The following TMEM65 variants were observed in gnomAD, a reference collection of about 807,000 sequenced individuals.
TMEM65 encodes the protein transmembrane protein 65.
Under a neutral mutation model 25.4 loss-of-function variants are expected in TMEM65, and 22 were observed. That is an observed-to-expected ratio of 0.86 (90% CI 0.62 to 1.23). The LOEUF (loss-of-function observed/expected upper bound fraction) is 1.23, where lower values mean the gene tolerates loss of function less well. Among genes scored for constraint, TMEM65 ranks in the 50% most tolerant of loss-of-function variants. The pLI is 0.00. For missense variants in TMEM65, 262 were observed against 308.2 expected, an observed-to-expected ratio of 0.85 and a Z score of 1.12; for synonymous variants, 132 against 126.2, an observed-to-expected ratio of 1.05 and a Z score of -0.31.
intron 1 of TMEM65, among the ~76,000 whole-genome samples, chr8:124,357,788 C>T (rs1229054045): frequency 1.7e-5 from 2 of 120,584 alleles, no homozygotes; most frequent in African/African-American, 6.7e-5. Context: ...AGGTTGGAGT[C>T]AGACAAACCT....
chr8:124,371,826 G>A (rs1815019267), intron 1 of TMEM65, 28 bp downstream of exon 1: 3 of 1,496,850 alleles, frequency 2.0e-6, no homozygotes, highest in Admixed American at 2.1e-5. Context: ...CGGGGCCCCC[G>A]GGCTCGCCCC....
chr8:124,360,960 TTATA>T (rs1485355396), intron 1 of TMEM65, among the ~76,000 whole-genome samples: 6 of 152,230 alleles, frequency 3.9e-5, no homozygotes, highest in Admixed American at 2.6e-4. Context: ...GAATTGTCAG[TTATA>T]TATAATTCAT....
At chr8:124,352,501 A>ATAAAATAAAT (rs1814724380) in intron 1 of TMEM65, among the ~76,000 whole-genome samples, 1 of 145,778 alleles carries the variant, frequency 6.9e-6, no homozygotes, top group Non-Finnish European at 1.5e-5. Flanking sequence ...ATAAAATAAA[A>ATAAAATAAAT]TAAAATAAAA....
intron 3 of TMEM65, among the ~76,000 whole-genome samples, chr8:124,325,057 G>C (rs1342017087): frequency 6.6e-6 from 1 of 151,868 alleles, no homozygotes; most frequent in Admixed American, 6.6e-5. Context: ...GGCTTAATAT[G>C]AACACCAACC....
At chr8:124,357,976 C>T (rs1443423519) in intron 1 of TMEM65, among the ~76,000 whole-genome samples, 1 of 151,700 alleles carries the variant, frequency 6.6e-6, no homozygotes, top group Non-Finnish European at 1.5e-5. Context: ...ATTACAGGCA[C>T]CTGCCACCAC....
chr8:124,370,741 C>T (rs1815001511), intron 1 of TMEM65, among the ~76,000 whole-genome samples: 1 of 152,224 alleles, frequency 6.6e-6, no homozygotes, highest in African/African-American at 2.4e-5. Context: ...CATTCCTGCA[C>T]ATCAGCTAAA....
chr8:124,348,280 G>GTT (rs11339442), intron 1 of TMEM65, among the ~76,000 whole-genome samples: 1 of 149,840 alleles, frequency 6.7e-6, no homozygotes, highest in Non-Finnish European at 1.5e-5. Flanking sequence ...TTTCATGGTA[G>GTT]TTTTTTTTTT....
chr8:124,362,096 T>C (rs889472411), intron 1 of TMEM65, among the ~76,000 whole-genome samples: 8 of 151,854 alleles, frequency 5.3e-5, no homozygotes, highest in African/African-American at 1.9e-4. Flanking sequence ...TTCACCATGT[T>C]GACCAGGCTG....
intron 1 of TMEM65, 135 bp downstream of exon 1, chr8:124,371,718 GC>G (rs1815016114): frequency 2.3e-6 from 2 of 871,822 alleles, no homozygotes; most frequent in African/African-American, 3.6e-5. Flanking sequence ...CAGGCGTGGG[GC>G]CAGACAGGCG....
At chr8:124,343,103 TAAAC>T (rs1302759823) in intron 1 of TMEM65, among the ~76,000 whole-genome samples, 2 of 152,238 alleles carry the variant, frequency 1.3e-5, no homozygotes, top group East Asian at 3.9e-4. Context: ...ACAATGGCAT[TAAAC>T]AAAGCTCACT....
chr8:124,371,743 G>A lies in TMEM65; in HGVS notation c.304+111C>T, dbSNP rs1051244590. The A allele has an allele frequency of 9.1e-6, 10 of 1,095,740 alleles. 1 individual carries two copies. In the Admixed American group the frequency reaches 1.4e-4, roughly 16 times the overall value. The allele number at this position is 1,095,740 out of a possible 1,614,324, so 67.9% of individuals were successfully genotyped here. A position where few individuals can be genotyped will look rare whatever the true frequency, so the allele number is the denominator to read the frequency against. ...GCCAGACAGGCGAGGGGGGCGGAAGGGGGGCGGCGGCGGGGGTCCAAGATC... is the reference window on the plus strand; with the variant it reads ...GCCAGACAGGCGAGGGGGGCGGAAGAGGGGCGGCGGCGGGGGTCCAAGATC... On this transcript the variant is annotated intron_variant, in intron 1 of 6. Transcript: ENST00000297632.
chr8:124,313,919 G>A lies in TMEM65; in HGVS notation c.*41C>T, dbSNP rs754224059. On this transcript the variant is annotated 3_prime_UTR_variant, in exon 7 of 7. Transcript: ENST00000297632. ...TTGTGACAGCATATTTAATTACTGA[G>A]GTACATTAGTTTACATCTTTTTATA... 5 of 1,320,426 alleles carry A rather than the reference G, an allele frequency of 3.8e-6. No homozygotes were observed. The highest frequency in any genetic ancestry group is 5.4e-6 in the Non-Finnish European group (5 of 922,686). The allele number at this position is 1,320,426 out of a possible 1,614,324, so 81.8% of individuals were successfully genotyped here.
At chr8:124,343,632 C>T (rs974043761) in intron 1 of TMEM65, among the ~76,000 whole-genome samples, 1 of 152,086 alleles carries the variant, frequency 6.6e-6, no homozygotes, top group Non-Finnish European at 1.5e-5. Flanking sequence ...TCAGAGACCT[C>T]AAGGTAAGGC....
intron 1 of TMEM65, among the ~76,000 whole-genome samples, chr8:124,337,546 T>C (rs147727838): frequency 6.6e-6 from 1 of 152,162 alleles, no homozygotes; most frequent in African/African-American, 2.4e-5. Flanking sequence ...ATACATAGGA[T>C]AGAAAAATTA....
At position 124,309,381 on chromosome 8, in the gene TMEM65, T is replaced by C. The variant is rs1387698710; in HGVS notation, c.*4579A>G. On this transcript the variant is annotated 3_prime_UTR_variant, in exon 7 of 7. Coordinates refer to ENST00000297632, the MANE Select transcript of TMEM65 (RefSeq NM_194291.3). ...CTACAGACTTTTTTGAATTCTAGGG[T>C]TGCTTCCCCACACTTCTGTGCCATT... The C allele has an allele frequency of 6.6e-6, 1 of 152,190 alleles. No individual in the cohort carries two copies. Among genetic ancestry groups the C allele is most frequent in the African/African-American group, 2.4e-5 (1 of 41,454 alleles). 9.4% of individuals were successfully genotyped at this position (152,190 alleles called of 1,614,324 possible).
At position 124,314,527 on chromosome 8, in the gene TMEM65, C is replaced by T. The variant is rs144671111; in HGVS notation, c.622-466G>A. On this transcript the variant is annotated intron_variant, in intron 6 of 6. Transcript: ENST00000297632. ...TTCATGAAGCATTCATCCTTGACAA[C>T]GCTGCACATACTTACATAGCAATTT... Among the ~76,000 whole-genome samples the T allele has an allele frequency of 1.1e-3, 164 of 152,336 alleles. No homozygotes were observed. In the East Asian group the frequency reaches 0.027, roughly 25 times the overall value.
intron 1 of TMEM65, among the ~76,000 whole-genome samples, chr8:124,331,739 G>A (rs1327607262): frequency 6.6e-6 from 1 of 151,844 alleles, no homozygotes; most frequent in Admixed American, 6.6e-5. Context: ...AACCCATAGA[G>A]TGGATCACTC....
chr8:124,341,242 T>G (rs754917366), intron 1 of TMEM65, among the ~76,000 whole-genome samples: 1 of 152,056 alleles, frequency 6.6e-6, no homozygotes, highest in Non-Finnish European at 1.5e-5. Context: ...GAATGACTGG[T>G]CATCCCAAGA....
intron 1 of TMEM65, among the ~76,000 whole-genome samples, chr8:124,340,849 C>T (rs924492627): frequency 3.6e-4 from 55 of 152,066 alleles, no homozygotes; most frequent in African/African-American, 1.3e-3. Flanking sequence ...AGATAGATAA[C>T]ATTTTGCTTC....
Sources: gnomAD v4.1 joint callset for allele counts (sites outside exome capture counted in the v4.1 genomes callset) on GRCh38, gnomAD v4.1.1 for gene constraint, MANE v1.5 for transcripts, NCBI Gene and HGNC (gene_info 2026-07-23, HGNC 2026-07-21) for gene names.